Variants in RALGAPA2 observed in about 807,000 individuals in gnomAD.
RALGAPA2 encodes ral GTPase-activating protein subunit alpha-2.
Under a neutral mutation model 230.4 loss-of-function variants are expected in RALGAPA2, and 139 were observed. The observed-to-expected ratio is 0.60, with a 90% CI of 0.53 to 0.69. The LOEUF (loss-of-function observed/expected upper bound fraction) is 0.69. Ranked by LOEUF, RALGAPA2 falls within the 30% of genes least tolerant of loss-of-function variation. The probability of loss-of-function intolerance (pLI) is 0.00; values close to 1 mark genes in which losing one functional copy is unlikely to be tolerated. For synonymous variants in RALGAPA2, 847 were observed against 837.8 expected, an observed-to-expected ratio of 1.01 and a Z score of -0.19; for missense variants, 2,163 against 2,276.0, an observed-to-expected ratio of 0.95 and a Z score of 1.01.
At position 20,589,307 on chromosome 20, in the gene RALGAPA2, C is replaced by G. The variant is rs1024459002; in HGVS notation, c.2400G>C (p.Glu800Asp). 2 of 1,588,660 alleles carry G rather than the reference C, an allele frequency of 1.3e-6. No individual in the cohort carries two copies. Among genetic ancestry groups the G allele is most frequent in the Admixed American group, 3.5e-5 (2 of 56,504 alleles). Residue 800 changes from glutamate (E) to aspartate (D), a missense_variant, in exon 18 of 40, where the codon GAG becomes GAC. Coordinates refer to ENST00000202677, the MANE Select transcript of RALGAPA2 (RefSeq NM_020343.4). Reference sequence around the variant, plus strand: ...GTTCTCTCTTCACATGTCCTTTATTCTCTTGAATAGGCTGAGGCTCTGAAG... The same window carrying G: ...GTTCTCTCTTCACATGTCCTTTATTGTCTTGAATAGGCTGAGGCTCTGAAG... ...SSSSEPQPIQ[E>D]NKGHVKREHE...
intron 37 of RALGAPA2, among the ~76,000 whole-genome samples, chr20:20,454,726 C>G (rs1046805487): frequency 1.6e-4 from 25 of 152,210 alleles, no homozygotes; most frequent in African/African-American, 5.8e-4. Context: ...TCTCCAGCCT[C>G]TCACTTGGTC....
intron 4 of RALGAPA2, among the ~76,000 whole-genome samples, chr20:20,650,521 A>G (rs2067362416): frequency 6.6e-6 from 1 of 152,180 alleles, no homozygotes; most frequent in Non-Finnish European, 1.5e-5. Context: ...TTAACCCAAC[A>G]TTTTAGAATA....
chr20:20,607,523 AATT>A lies in RALGAPA2; in HGVS notation c.1801-2114_1801-2112del, dbSNP rs1257903572. On this transcript the variant is annotated intron_variant, in intron 14 of 39. Transcript: ENST00000202677. Reference sequence around the variant, plus strand: ...TATGACTAAAATGCCATCTCCTATTAATTTTTATACCCCTGCTTTCAAGATGAA... The same window carrying A: ...TATGACTAAAATGCCATCTCCTATTATTTATACCCCTGCTTTCAAGATGAA... Among the ~76,000 whole-genome samples the A allele has an allele frequency of 2.6e-5, 4 of 152,186 alleles. No homozygotes were observed. In the East Asian group the frequency reaches 7.7e-4, roughly 29 times the overall value.
intron 11 of RALGAPA2, 71 bp downstream of exon 11, chr20:20,620,392 T>G (rs747836796): frequency 4.7e-6 from 7 of 1,501,652 alleles, no homozygotes; most frequent in Non-Finnish European, 6.4e-6. Flanking sequence ...TTGACAAGAC[T>G]CTTGACTGAG....
intron 10 of RALGAPA2, among the ~76,000 whole-genome samples, chr20:20,627,862 C>T (rs528376393): frequency 1.3e-5 from 2 of 152,276 alleles, no homozygotes; most frequent in East Asian, 1.9e-4. Flanking sequence ...GAGTCATATG[C>T]CACAGTGGTT....
At chr20:20,553,959 C>T (rs2064002812) in intron 23 of RALGAPA2, among the ~76,000 whole-genome samples, 1 of 152,158 alleles carries the variant, frequency 6.6e-6, no homozygotes, top group African/African-American at 2.4e-5. Context: ...ACTCACTAAT[C>T]TGTCTAAACT....
chr20:20,531,384 C>T (rs1436109906), intron 27 of RALGAPA2, among the ~76,000 whole-genome samples: 1 of 152,220 alleles, frequency 6.6e-6, no homozygotes, highest in African/African-American at 2.4e-5. Flanking sequence ...CACGACACCC[C>T]ACTCTCTTGT....
intron 36 of RALGAPA2, among the ~76,000 whole-genome samples, chr20:20,491,982 C>T (rs900884121): frequency 6.6e-6 from 1 of 151,898 alleles, no homozygotes; most frequent in Non-Finnish European, 1.5e-5. Context: ...TAAGAGGAGG[C>T]GGATTCTGCC....
chr20:20,703,486 TA>T (rs1432589102), intron 1 of RALGAPA2, among the ~76,000 whole-genome samples: 1 of 152,196 alleles, frequency 6.6e-6, no homozygotes, highest in Non-Finnish European at 1.5e-5. Flanking sequence ...AGGCTTTAAC[TA>T]TGTAAAGATA....
At chr20:20,568,606 CATT>C (rs1408354566) in intron 23 of RALGAPA2, among the ~76,000 whole-genome samples, 1 of 152,182 alleles carries the variant, frequency 6.6e-6, no homozygotes, top group Admixed American at 6.5e-5. Context: ...CTATGAACAT[CATT>C]ATGTTTGAAA....
chr20:20,612,466 C>T (rs1307483258), intron 13 of RALGAPA2, among the ~76,000 whole-genome samples: 1 of 152,202 alleles, frequency 6.6e-6, no homozygotes, highest in African/African-American at 2.4e-5. Flanking sequence ...TCTCATATCT[C>T]TGCTTATCAA....
At position 20,389,960 on chromosome 20, in the gene RALGAPA2, T is replaced by A. The variant is rs1428767791; in HGVS notation, c.*3329A>T. 1 of 152,226 alleles carries A rather than the reference T, an allele frequency of 6.6e-6. No homozygotes were observed. The highest frequency in any genetic ancestry group is 1.5e-5 in the Non-Finnish European group (1 of 68,048). The allele number at this position is 152,226 out of a possible 1,614,324, so 9.4% of individuals were successfully genotyped here. The stretch of plus-strand genomic sequence containing the variant: ...TAGACCTGAAAACATAAGGAAACAT[T>A]CACTTCATGTGTATGTCATATGGAC... On this transcript the variant is annotated 3_prime_UTR_variant, in exon 40 of 40. Transcript: ENST00000202677.
At chr20:20,395,302 C>T (rs936943316) in intron 39 of RALGAPA2, among the ~76,000 whole-genome samples, 4 of 152,226 alleles carry the variant, frequency 2.6e-5, no homozygotes, top group African/African-American at 7.2e-5. Flanking sequence ...CACAGCACCC[C>T]GTGGTGGGGA....
intron 37 of RALGAPA2, among the ~76,000 whole-genome samples, chr20:20,413,678 C>T (rs971656654): frequency 1.3e-5 from 2 of 152,210 alleles, no homozygotes; most frequent in African/African-American, 4.8e-5. Context: ...TACTGGACAG[C>T]GTGCTGCCAG....
rs1392538950 is a variant in RALGAPA2, at chr20:20,398,026, CG to C, written c.5618-1293del. Among the ~76,000 whole-genome samples, 1 of 152,100 alleles carries C rather than the reference CG, an allele frequency of 6.6e-6. No individual in the cohort carries two copies. The highest frequency in any genetic ancestry group is 1.9e-4 in the East Asian group (1 of 5,192). ...GGCTAGAATGTTTTCCATGGATCCT[CG>C]GGATGATTAATCATTTAGATTTCTG... is the stretch of plus-strand genomic sequence containing the variant. On this transcript the variant is annotated intron_variant, in intron 38 of 39. Coordinates refer to ENST00000202677, the MANE Select transcript of RALGAPA2 (RefSeq NM_020343.4). This position sits in a 1 kb window ranked among gnomAD's most constrained non-coding sequence, Gnocchi z 4.5.
intron 23 of RALGAPA2, among the ~76,000 whole-genome samples, chr20:20,564,832 T>G (rs949472340): frequency 6.6e-6 from 1 of 152,238 alleles, no homozygotes; most frequent in South Asian, 2.1e-4. Context: ...CCATCTTATA[T>G]CCTGAATTCT....
intron 23 of RALGAPA2, among the ~76,000 whole-genome samples, chr20:20,549,237 A>T (rs1222858852): frequency 6.6e-6 from 1 of 152,230 alleles, no homozygotes; most frequent in Non-Finnish European, 1.5e-5. Flanking sequence ...TAAGATTTGT[A>T]TGTGTAAAGG....
intron 37 of RALGAPA2, among the ~76,000 whole-genome samples, chr20:20,446,188 G>A (rs1384266745): frequency 6.6e-6 from 1 of 152,156 alleles, no homozygotes; most frequent in Non-Finnish European, 1.5e-5. Flanking sequence ...TAGTTAGTAA[G>A]TGTGAACTGT....
rs1435636525 is a variant in RALGAPA2, at chr20:20,389,735, C to T, written c.*3554G>A. ...CCATCAGTGGAGATGTGTGCTTTCT[C>T]GGTGTGGCTGCCTGGGCCGCGGTGT... On this transcript the variant is annotated 3_prime_UTR_variant, in exon 40 of 40. Transcript: ENST00000202677. 2 of 152,008 alleles carry T rather than the reference C, an allele frequency of 1.3e-5. No individual in the cohort carries two copies. The highest frequency in any genetic ancestry group is 2.4e-5 in the African/African-American group (1 of 41,428). The allele number at this position is 152,008 out of a possible 1,614,324, so 9.4% of individuals were successfully genotyped here.
Sources: gnomAD v4.1 joint callset for allele counts (sites outside exome capture counted in the v4.1 genomes callset) on GRCh38, gnomAD v4.1.1 for gene constraint, Gnocchi (gnomAD v3.1) non-coding constraint, MANE v1.5 for transcripts, NCBI Gene and HGNC (gene_info 2026-07-23, HGNC 2026-07-21) for gene names.